The following GSE1 variants were observed in gnomAD, a reference collection of about 807,000 sequenced individuals.
The protein encoded by GSE1 is genetic suppressor element 1.
GSE1 carries 32 observed loss-of-function variants against 112.6 expected under a neutral mutation model. The ratio of observed to expected loss-of-function variants is 0.28; its 90% CI spans 0.21 to 0.38. The LOEUF is 0.38. GSE1 is among the 10% of genes least tolerant of loss of function. GSE1 has a pLI of 1.00. For missense variants in GSE1, 2,348 were observed against 1,699.2 expected, an observed-to-expected ratio of 1.38 and a Z score of -6.71; for synonymous variants, 1,115 against 735.6, an observed-to-expected ratio of 1.52 and a Z score of -8.35.
chr16:85,171,192 C>A (rs2074353574), exon 1 of GSE1: 9 of 985,582 alleles, frequency 9.1e-6, no homozygotes, highest in Non-Finnish European at 1.1e-5. Flanking sequence ...ACGAGGAGCT[C>A]ATCACCTCCG....
intron 2 of GSE1, among the ~76,000 whole-genome samples, chr16:85,636,807 C>A (rs1033881955): frequency 3.3e-5 from 5 of 152,140 alleles, no homozygotes; most frequent in Non-Finnish European, 1.5e-5. Flanking sequence ...AGGGAGCTGG[C>A]GTTGGGCGCA....
intron 1 of GSE1, among the ~76,000 whole-genome samples, chr16:85,629,655 G>A (rs2049379330): frequency 6.6e-6 from 1 of 152,192 alleles, no homozygotes; most frequent in Non-Finnish European, 1.5e-5. Flanking sequence ...TTCTCATAGG[G>A]CGGCCAAGAT....
intron 1 of GSE1, among the ~76,000 whole-genome samples, chr16:85,614,121 T>A (rs973062727): frequency 1.5e-5 from 1 of 66,846 alleles, no homozygotes; most frequent in Non-Finnish European, 2.8e-5. Flanking sequence ...TGCCCCAGCC[T>A]CGGAGGTGGG....
chr16:85,586,733 C>T (rs1459719917), intron 1 of GSE1, among the ~76,000 whole-genome samples: 2 of 152,220 alleles, frequency 1.3e-5, no homozygotes, highest in East Asian at 3.9e-4. Flanking sequence ...CCGTCCACAG[C>T]CCCGGCATGG....
intron 2 of GSE1, among the ~76,000 whole-genome samples, chr16:85,358,854 A>C (rs2151574746): frequency 6.6e-6 from 1 of 152,314 alleles, no homozygotes; most frequent in South Asian, 2.1e-4. Flanking sequence ...TGAGCCAGCT[A>C]ATCAGAGCTC....
intron 2 of GSE1, among the ~76,000 whole-genome samples, chr16:85,434,842 G>C (rs969927585): frequency 6.6e-6 from 1 of 152,234 alleles, no homozygotes; most frequent in Non-Finnish European, 1.5e-5. Flanking sequence ...ATCAGAGCCA[G>C]AATGGAAAGA....
intron 1 of GSE1, among the ~76,000 whole-genome samples, chr16:85,237,694 C>T (rs1280404882): frequency 1.3e-5 from 2 of 151,450 alleles, no homozygotes; most frequent in Non-Finnish European, 3.0e-5. Context: ...AAAAATTAGC[C>T]AGGGGTGGTG....
At chr16:85,469,117 G>A (rs372275013) in intron 2 of GSE1, among the ~76,000 whole-genome samples, 7 of 152,280 alleles carry the variant, frequency 4.6e-5, no homozygotes, top group Admixed American at 2.6e-4. Flanking sequence ...TTAGCTGGGT[G>A]TGGTGACACG....
At chr16:85,184,243 G>A (rs945807386) in intron 1 of GSE1, among the ~76,000 whole-genome samples, 4 of 152,184 alleles carry the variant, frequency 2.6e-5, no homozygotes, top group Non-Finnish European at 5.9e-5. Flanking sequence ...TTCTGGTTCT[G>A]GTTTATTACC....
upstream of GSE1, among the ~76,000 whole-genome samples, chr16:85,551,135 A>G (rs1247219396): frequency 6.6e-6 from 1 of 151,400 alleles, no homozygotes; most frequent in African/African-American, 2.4e-5. Context: ...CCAGTTTCCT[A>G]CCTCTTTTCC....
At chr16:85,474,664 C>G (rs1171390325) in intron 2 of GSE1, among the ~76,000 whole-genome samples, 1 of 142,080 alleles carries the variant, frequency 7.0e-6, no homozygotes, top group East Asian at 2.4e-4. Flanking sequence ...CCCCTCTTCC[C>G]CCTCCTCTCC....
At chr16:85,371,852 A>G (rs574241975) in intron 2 of GSE1, among the ~76,000 whole-genome samples, 35 of 152,276 alleles carry the variant, frequency 2.3e-4, no homozygotes, top group African/African-American at 7.9e-4. Flanking sequence ...CAAGCCTAGA[A>G]CCTGAATGAC....
At chr16:85,570,796 C>A (rs982491486) in intron 1 of GSE1, among the ~76,000 whole-genome samples, 1 of 152,204 alleles carries the variant, frequency 6.6e-6, no homozygotes. Context: ...GGTGGAAAGT[C>A]TGTCACAGGA....
intron 1 of GSE1, among the ~76,000 whole-genome samples, chr16:85,260,695 G>T (rs1907597253): frequency 6.6e-6 from 1 of 152,244 alleles, no homozygotes; most frequent in Non-Finnish European, 1.5e-5. Flanking sequence ...ACGCCACAGG[G>T]CCCTTTCTGG....
chr16:85,640,219 C>T (rs1185482988), intron 2 of GSE1, among the ~76,000 whole-genome samples: 4 of 152,000 alleles, frequency 2.6e-5, no homozygotes, highest in South Asian at 2.1e-4. Flanking sequence ...GCCCGGTGGC[C>T]GGGACTCATG....
chr16:85,325,378 C>G (rs1297106781), intron 1 of GSE1, among the ~76,000 whole-genome samples: 1 of 152,096 alleles, frequency 6.6e-6, no homozygotes, highest in Non-Finnish European at 1.5e-5. Flanking sequence ...CTAAGTTCTT[C>G]CAGTGTCACG....
At chr16:85,532,697 G>T (rs1159070228) in intron 2 of GSE1, among the ~76,000 whole-genome samples, 5 of 152,244 alleles carry the variant, frequency 3.3e-5, no homozygotes, top group Non-Finnish European at 5.9e-5. Flanking sequence ...CCAGCATCGG[G>T]TGGAAGGCAG....
intron 2 of GSE1, among the ~76,000 whole-genome samples, chr16:85,430,905 C>A (rs1169620601): frequency 6.6e-6 from 1 of 152,202 alleles, no homozygotes; most frequent in Admixed American, 6.5e-5. Flanking sequence ...GGCCTGGGAG[C>A]CTGCGTTCCC....
chr16:85,612,811 C>G (rs2048079778), upstream of GSE1, among the ~76,000 whole-genome samples: 1 of 152,328 alleles, frequency 6.6e-6, no homozygotes, highest in Middle Eastern at 3.4e-3. Flanking sequence ...CACGGAGTTA[C>G]CCGTCCGCCC....
Sources: gnomAD v4.1 joint callset for allele counts (sites outside exome capture counted in the v4.1 genomes callset) on GRCh38, gnomAD v4.1.1 for gene constraint, MANE v1.5 for transcripts, NCBI Gene and HGNC (gene_info 2026-07-23, HGNC 2026-07-21) for gene names.